AP1G2: variants seen among roughly 807,000 people sequenced by gnomAD.
The protein encoded by AP1G2 is adaptor related protein complex 1 subunit gamma 2.
In AP1G2, 85 loss-of-function variants were observed where a neutral mutation model predicts 95.8. The ratio of observed to expected loss-of-function variants is 0.89; its 90% CI spans 0.74 to 1.06. The LOEUF is 1.06. Ranked by LOEUF, AP1G2 falls within the 50% of genes least tolerant of loss-of-function variation. The pLI, the probability that AP1G2 is intolerant of heterozygous loss-of-function variation, is 0.00. For missense variants in AP1G2, 967 were observed against 1,005.8 expected (o/e 0.96, Z 0.52); for synonymous variants, 378 against 400.0 (o/e 0.94, Z 0.66).
Position 23,562,348 on chromosome 14 carries a change from G to A in AP1G2, c.1568C>T (p.Thr523Ile). The A allele has an allele frequency of 1.9e-6, 3 of 1,614,196 alleles. No homozygotes were observed. Among genetic ancestry groups the A allele is most frequent in the Non-Finnish European group, 1.7e-6 (2 of 1,180,028 alleles). ...GAGGGCTGTGAGGGCATATCCTCGA[G>A]TGGCTGGCAGGGACATGTGGGACTG... ...VLQSHMSLPA[T>I]RGYALTALMK... The change falls in exon 16 of 22, where the codon ACT becomes ATT. Residue 523 changes from threonine (T) to isoleucine (I), a missense_variant. Physicochemically the swap from Thr to Ile is moderately conservative, Grantham distance 89. Coordinates refer to ENST00000397120, the MANE Select transcript of AP1G2 (RefSeq NM_003917.5).
At chr14:23,564,458 A>G (rs552071500) in intron 9 of AP1G2, 70 bp from the exon 10 acceptor site, 7 of 1,604,586 alleles carry the variant, frequency 4.4e-6, no homozygotes, top group African/African-American at 1.3e-5. Context: ...CTGGGAACAC[A>G]TTGGCGCAAG....
In AP1G2 at chr14:23,565,152, C is replaced by T; in HGVS notation, c.789G>A (p.Glu263=). 6.2e-7 allele frequency: 1 copy of T among 1,614,258 alleles called. No individual in the cohort carries two copies. Among genetic ancestry groups the T allele is most frequent in the Non-Finnish European group, 8.5e-7 (1 of 1,180,040 alleles). ...GCAAGTCATTCATGGTCTCACTGCT[C>T]TCCTCGTGGTTCCGGCCCAGGATCC... is the stretch of plus-strand genomic sequence containing the variant. ...LLRILGRNHE[E]SSETMNDLLA... The change falls in exon 8 of 22, where the codon GAG becomes GAA. Residue 263 remains glutamate, a synonymous_variant. Transcript: ENST00000397120.
At position 23,567,450 on chromosome 14, in the gene AP1G2, C is replaced by T; in HGVS notation, c.-5-131G>A. 1 of 1,412,214 alleles carries T rather than the reference C, an allele frequency of 7.1e-7. No homozygotes were observed. Among genetic ancestry groups the T allele is most frequent in the Middle Eastern group, 2.6e-4 (1 of 3,870 alleles). The allele number at this position is 1,412,214 out of a possible 1,614,324, so 87.5% of individuals were successfully genotyped here. A position where few individuals can be genotyped will look rare whatever the true frequency, so the allele number is the denominator to read the frequency against. On this transcript the variant is annotated intron_variant, in intron 1 of 21. Transcript: ENST00000397120. This position sits in a 1 kb window ranked among gnomAD's most constrained non-coding sequence, Gnocchi z 5.3. ...ACCCTAAAATTGCGCCCGCATTTTA[C>T]CTTTCCCGAAGTGGGTCTCCAAATT...
At chr14:23,564,478 C>A in intron 9 of AP1G2, 84 bp downstream of exon 9, 1 of 1,601,104 alleles carries the variant, frequency 6.2e-7, no homozygotes, top group Non-Finnish European at 8.6e-7. Context: ...GATGATGGGG[C>A]TAGGAGGGAG....
In AP1G2 at chr14:23,562,730, C is replaced by A. The variant is rs368424710; in HGVS notation, c.1411-137G>T. 315 of 748,800 alleles carry A rather than the reference C, an allele frequency of 4.2e-4. 1 individual carries two copies. The highest frequency in any genetic ancestry group is 3.6e-3 in the African/African-American group (205 of 56,304). The allele number at this position is 748,800 out of a possible 1,614,324, so 46.4% of individuals were successfully genotyped here. A position where few individuals can be genotyped will look rare whatever the true frequency, so the allele number is the denominator to read the frequency against. The stretch of plus-strand genomic sequence containing the variant: ...CCAGCCTGGGCAACAAAGCGAGACC[C>A]CCCCCATCTCTATTTTAAAAAAAAA... On this transcript the variant is annotated intron_variant, in intron 14 of 21. Coordinates refer to ENST00000397120, the MANE Select transcript of AP1G2 (RefSeq NM_003917.5).
intron 14 of AP1G2, 64 bp downstream of exon 14, chr14:23,563,316 G>C (rs866468608): frequency 3.9e-6 from 6 of 1,547,250 alleles, no homozygotes; most frequent in Middle Eastern, 2.3e-4. Flanking sequence ...GTAGGGAGGA[G>C]GTGGCCCAGG....
chr14:23,561,994 A>G lies in AP1G2; in HGVS notation c.1701T>C (p.Tyr567=), dbSNP rs778910779. ...DVELQQRAVE[Y]DTLFRKYDHM... Reference sequence around the variant, plus strand: ...GGTCGTATTTCCGGAAGAGTGTGTCATACTCCACAGCCCGCTGCTGCAGCT... The same window carrying G: ...GGTCGTATTTCCGGAAGAGTGTGTCGTACTCCACAGCCCGCTGCTGCAGCT... Residue 567 remains tyrosine, a synonymous_variant, in exon 17 of 22, where the codon TAT becomes TAC. Transcript: ENST00000397120. 1.4e-5 allele frequency: 23 copies of G among 1,613,094 alleles called. No individual in the cohort carries two copies. The South Asian group carries it at 2.3e-4, about 16-fold the overall frequency.
In AP1G2 at chr14:23,566,288, AC is replaced by A; in HGVS notation, c.460del (p.Val154CysfsTer7). ...EKLLLQPSPY[V>X]RKKAILTAVH... Reference sequence around the variant, plus strand: ...GTCCCGCCATCTCACCTTCTTGCGCACGTAGGGACTGGGCTGCAGGAGCAGT... The same window carrying A: ...GTCCCGCCATCTCACCTTCTTGCGCAGTAGGGACTGGGCTGCAGGAGCAGT... On this transcript the variant is annotated frameshift_variant, in exon 4 of 22. Transcript: ENST00000397120. LOFTEE classifies it high-confidence loss of function. 6.2e-7 allele frequency: 1 copy of A among 1,613,902 alleles called. No individual in the cohort carries two copies. The highest frequency in any genetic ancestry group is 8.5e-7 in the Non-Finnish European group (1 of 1,180,008).
intron 17 of AP1G2, 35 bp from the exon 18 acceptor site, chr14:23,561,670 G>C (rs751802051): frequency 6.2e-7 from 1 of 1,608,890 alleles, no homozygotes; most frequent in Admixed American, 1.7e-5. Flanking sequence ...CCTCTGTGTG[G>C]TCTCTGGGCC....
At chr14:23,564,793 T>G (rs1886963229) in intron 8 of AP1G2, 133 bp from the exon 9 acceptor site, 11 of 819,668 alleles carry the variant, frequency 1.3e-5, no homozygotes, top group Non-Finnish European at 2.1e-5. Context: ...TCCTCCTGCC[T>G]CAGCCTCCTG....
At position 23,565,692 on chromosome 14, in the gene AP1G2, G is replaced by A; in HGVS notation, c.655C>T (p.Gln219Ter). The change falls in exon 7 of 22, where the codon CAG becomes TAG. Residue 219 changes from glutamine to a stop codon, truncating the protein, a stop_gained. Transcript: ENST00000397120. LOFTEE classifies it high-confidence loss of function. Reference sequence around the variant, plus strand: ...AGAGTCCGGAGGATGTGTACCAGCTGGGGTACCACCTGGAGGGAGGGCACA... The same window carrying A: ...AGAGTCCGGAGGATGTGTACCAGCTAGGGTACCACCTGGAGGGAGGGCACA... Reference protein sequence around the residue: ...ALRHFRKVVPQLVHILRTLVT... With the variant: ...ALRHFRKVVP 2 of 1,614,018 alleles carry A rather than the reference G, an allele frequency of 1.2e-6. No individual in the cohort carries two copies. Among genetic ancestry groups the A allele is most frequent in the Non-Finnish European group, 1.7e-6 (2 of 1,179,900 alleles).
At position 23,561,583 on chromosome 14, in the gene AP1G2, C is replaced by T. The variant is rs755095775; in HGVS notation, c.1786G>A (p.Asp596Asn). The T allele has an allele frequency of 3.1e-6, 5 of 1,614,136 alleles. No homozygotes were observed. Among genetic ancestry groups the T allele is most frequent in the Non-Finnish European group, 2.5e-6 (3 of 1,180,014 alleles). Residue 596 changes from aspartate to asparagine, a missense_variant, in exon 18 of 22, where the codon GAT (aspartate) becomes AAT (asparagine). Physicochemically the swap from Asp to Asn is conservative, Grantham distance 23. Transcript: ENST00000397120. ...PLVERDGPQA[D>N]EEAKESKEAA... ...TCTTTGCTTTCCTTTGCTTCCTCAT[C>T]AGCCTGAGGGCCATCTCGCTCCACA...
rs1450031713 is a variant in AP1G2, at chr14:23,561,382, T to C, written c.1907A>G (p.Asp636Gly). The change falls in exon 19 of 22, where the codon GAT becomes GGT. Residue 636 changes from aspartate to glycine, a missense_variant. Physicochemically the swap from Asp to Gly is moderately conservative, Grantham distance 94. Coordinates refer to ENST00000397120, the MANE Select transcript of AP1G2 (RefSeq NM_003917.5). ...LLDLLDGASG[D>G]VQHPPHLDPS... is the part of the protein sequence containing the mutation. ...GTCCAGATGGGGAGGATGCTGGACA[T>C]CCCCAGAAGCCCCATCCAGGAGATC... 7 of 1,602,106 alleles carry C rather than the reference T, an allele frequency of 4.4e-6. No homozygotes were observed. The African/African-American group carries it at 9.4e-5, about 21-fold the overall frequency.
chr14:23,563,447 C>T lies in AP1G2; in HGVS notation c.1343G>A (p.Gly448Glu). The change falls in exon 14 of 22, where the codon GGG (glycine) becomes GAG (glutamate). Residue 448 changes from glycine (G) to glutamate (E), a missense_variant. Gly to Glu is a moderately conservative substitution (Grantham distance 98, BLOSUM62 -2). Transcript: ENST00000397120. ...AVANLTQLIG[G>E]AQELHAYSVR... ...AGAGTAGGCATGTAGCTCCTGGGCC[C>T]CCCCAATCAGCTGGGTCAGGTTGGC... 1 of 1,613,504 alleles carries T rather than the reference C, an allele frequency of 6.2e-7. No homozygotes were observed. Among genetic ancestry groups the T allele is most frequent in the South Asian group, 1.1e-5 (1 of 90,934 alleles).
At position 23,560,361 on chromosome 14, in the gene AP1G2, A is replaced by T; in HGVS notation, c.2051T>A (p.Phe684Tyr). 2 of 1,614,138 alleles carry T rather than the reference A, an allele frequency of 1.2e-6. No individual in the cohort carries two copies. The highest frequency in any genetic ancestry group is 1.7e-6 in the Non-Finnish European group (2 of 1,180,024). Residue 684 changes from phenylalanine (F) to tyrosine (Y), a missense_variant, in exon 20 of 22, where the codon TTC becomes TAC. Transcript: ENST00000397120. ...AGCAGGGTTTTCAGGGGGTCGAATGAAAGACAGATTCAGCTGTACTCCCTC... is the reference window on the plus strand; with the variant it reads ...AGCAGGGTTTTCAGGGGGTCGAATGTAAGACAGATTCAGCTGTACTCCCTC... ...EREGVQLNLSFIRPPENPALL... is the reference protein window; with the variant it reads ...EREGVQLNLSYIRPPENPALL...
At position 23,567,349 on chromosome 14, in the gene AP1G2, C is replaced by T; in HGVS notation, c.-5-30G>A. On this transcript the variant is annotated intron_variant, in intron 1 of 21. Coordinates refer to ENST00000397120, the MANE Select transcript of AP1G2 (RefSeq NM_003917.5). The surrounding 1 kb of genome is among the most constrained non-coding windows in gnomAD (Gnocchi z 5.3). ...CAGAGTCCGGGAGTGGAGAAACACT[C>T]TCTGGTCGGGCGTGCCTGGGCTTTC... 1.3e-6 allele frequency: 2 copies of T among 1,599,416 alleles called. No homozygotes were observed. The highest frequency in any genetic ancestry group is 2.3e-5 in the East Asian group (1 of 44,438).
At chr14:23,560,148 C>G in intron 20 of AP1G2, 107 bp downstream of exon 20, 1 of 1,476,118 alleles carries the variant, frequency 6.8e-7, no homozygotes, top group Non-Finnish European at 9.3e-7. Flanking sequence ...GTGCTGATCT[C>G]CAGATGACTC....
intron 17 of AP1G2, 29 bp downstream of exon 17, chr14:23,561,933 C>T (rs1458300704): frequency 1.3e-6 from 2 of 1,580,918 alleles, no homozygotes; most frequent in Non-Finnish European, 8.6e-7. Context: ...GGGTTTGGGT[C>T]CCATGCTGCA....
At position 23,564,045 on chromosome 14, in the gene AP1G2, C is replaced by G. The variant is rs76134284; in HGVS notation, c.1091+1G>C. The G allele has an allele frequency of 1.5e-5, 24 of 1,613,916 alleles. No individual in the cohort carries two copies. The East Asian group carries it at 5.3e-4, about 36-fold the overall frequency. ...CTCCTGTCCCCTCTATCACTGCTCACCGGCTGAGGGAGGCATCAGTTTCCC... is the reference window on the plus strand; with the variant it reads ...CTCCTGTCCCCTCTATCACTGCTCAGCGGCTGAGGGAGGCATCAGTTTCCC... On this transcript the variant is annotated splice_donor_variant, in intron 11 of 21. Transcript: ENST00000397120. LOFTEE classifies it high-confidence loss of function.
Sources: allele counts gnomAD v4.1 joint callset, GRCh38; gene constraint gnomAD v4.1.1; non-coding constraint Gnocchi (gnomAD v3.1); transcripts MANE v1.5; gene names NCBI Gene and HGNC (gene_info 2026-07-23, HGNC 2026-07-21).